PTPRQ: variants seen among roughly 807,000 people sequenced by gnomAD.
PTPRQ encodes the protein phosphatidylinositol phosphatase PTPRQ.
PTPRQ carries 199 observed loss-of-function variants against 246.0 expected under a neutral mutation model. The observed-to-expected ratio is 0.81, with a 90% confidence interval of 0.72 to 0.91. PTPRQ has a LOEUF of 0.91. Among genes scored for constraint, PTPRQ ranks in the 40% least tolerant of loss-of-function variants. The pLI is 0.00. For missense variants in PTPRQ, 2,624 were observed against 2,528.4 expected (o/e 1.04, Z -0.81); for synonymous variants, 869 against 853.2 (o/e 1.02, Z -0.32).
At chr12:80,666,347 T>C (rs903655286) in intron 39 of PTPRQ, among the ~76,000 whole-genome samples, 2 of 151,956 alleles carry the variant, frequency 1.3e-5, no homozygotes, top group Non-Finnish European at 2.9e-5. Context: ...TTCTCACTTA[T>C]GCAGAGGCTG....
In PTPRQ at chr12:80,444,758, C is replaced by T. The variant is rs542507106; in HGVS notation, c.72C>T (p.Val24=). 27 of 1,539,028 alleles carry T rather than the reference C, an allele frequency of 1.8e-5. No individual in the cohort carries two copies. In the East Asian group the frequency reaches 4.7e-4, roughly 27 times the overall value. Residue 24 remains valine, a synonymous_variant, in exon 2 of 45, where the codon GTC becomes GTT. Transcript: ENST00000644991. ...TSETQVDVSN[V]VPGTRYDITI... Reference sequence around the variant, plus strand: ...TGTTCTAGGTTGATGTTTCCAATGTCGTTCCTGGTACTAGGTACGATATAA... The same window carrying T: ...TGTTCTAGGTTGATGTTTCCAATGTTGTTCCTGGTACTAGGTACGATATAA...
intron 8 of PTPRQ, among the ~76,000 whole-genome samples, chr12:80,476,804 G>A (rs893954558): frequency 1.3e-5 from 2 of 152,078 alleles, no homozygotes; most frequent in African/African-American, 4.8e-5. Context: ...CTGATAATAA[G>A]GGATCATAAT....
intron 25 of PTPRQ, among the ~76,000 whole-genome samples, chr12:80,574,840 G>A (rs1329121732): frequency 6.6e-6 from 1 of 152,108 alleles, no homozygotes; most frequent in Non-Finnish European, 1.5e-5. Context: ...TTTCTACTGA[G>A]CTCCTTGGAT....
Position 80,678,966 on chromosome 12 carries a change from C to CA in PTPRQ, c.6863-19dup. 6.5e-7 allele frequency: 1 copy of CA among 1,539,008 alleles called. No homozygotes were observed. The highest frequency in any genetic ancestry group is 1.2e-5 in the South Asian group (1 of 80,996). On this transcript the variant is annotated intron_variant, in intron 44 of 44. Coordinates refer to ENST00000644991, the MANE Select transcript of PTPRQ (RefSeq NM_001145026.2). ...TGTTAACTTCAACACTCTCTTGTAA[C>CA]ATGTTACTTTCTGTTATAGGTGATG...
chr12:80,536,024 G>A (rs1441908303), intron 19 of PTPRQ, among the ~76,000 whole-genome samples: 2 of 152,214 alleles, frequency 1.3e-5, no homozygotes, highest in South Asian at 2.1e-4. Flanking sequence ...GGAGAATGGC[G>A]TCAACCCGGG....
intron 26 of PTPRQ, among the ~76,000 whole-genome samples, chr12:80,600,900 C>A (rs1305102310): frequency 6.6e-6 from 1 of 151,816 alleles, no homozygotes; most frequent in African/African-American, 2.4e-5. Context: ...CGGATTCTCT[C>A]ATTCCAACTC....
chr12:80,569,605 T>A (rs75005916), intron 25 of PTPRQ, among the ~76,000 whole-genome samples: 29 of 151,918 alleles, frequency 1.9e-4, no homozygotes, highest in Admixed American at 1.0e-3. Flanking sequence ...TTTTTTTTTT[T>A]AATTTAAGTT....
At chr12:80,509,108 A>T (rs1488884020) in intron 16 of PTPRQ, among the ~76,000 whole-genome samples, 5 of 152,074 alleles carry the variant, frequency 3.3e-5, no homozygotes, top group Non-Finnish European at 7.4e-5. Context: ...CATTCCTGTG[A>T]TAATCAATAT....
intron 26 of PTPRQ, among the ~76,000 whole-genome samples, chr12:80,590,791 T>A (rs1897774009): frequency 6.6e-6 from 1 of 152,080 alleles, no homozygotes; most frequent in African/African-American, 2.4e-5. Flanking sequence ...ACTTTAACAT[T>A]ATTTATAGCC....
At chr12:80,670,196 C>G in intron 41 of PTPRQ, 148 bp from the exon 42 acceptor site, 1 of 1,157,192 alleles carries the variant, frequency 8.6e-7, no homozygotes, top group Non-Finnish European at 1.2e-6. Context: ...ATAAAAATCT[C>G]TCTTATAGGA....
At chr12:80,619,632 CCA>C in intron 31 of PTPRQ, 90 bp downstream of exon 31, 2 of 1,086,222 alleles carry the variant, frequency 1.8e-6, no homozygotes, top group East Asian at 6.1e-5. Context: ...AGATTGACTC[CCA>C]GTTATCACAC....
chr12:80,496,530 T>G lies in PTPRQ; in HGVS notation c.2271T>G (p.Thr757=). 2 of 1,466,250 alleles carry G rather than the reference T, an allele frequency of 1.4e-6. No homozygotes were observed. The highest frequency in any genetic ancestry group is 1.8e-6 in the Non-Finnish European group (2 of 1,108,298). 90.8% of individuals were successfully genotyped at this position (1,466,250 alleles called of 1,614,324 possible). A position where few individuals can be genotyped will look rare whatever the true frequency, so the allele number is the denominator to read the frequency against. The change falls in exon 14 of 45, where the codon ACT becomes ACG. Residue 757 remains threonine (T), a splice_region_variant and synonymous_variant. Coordinates refer to ENST00000644991, the MANE Select transcript of PTPRQ (RefSeq NM_001145026.2). ...SSLLSVRTSE[T]VPDSAPENIT... ...TACTCTCTGTAAGGACTTCGGAGAC[T>G]GGTGAGCTTTTGTTTTCTTTGTTTG...
chr12:80,554,978 A>G (rs1896602739), intron 25 of PTPRQ, among the ~76,000 whole-genome samples: 1 of 151,860 alleles, frequency 6.6e-6, no homozygotes, highest in South Asian at 2.1e-4. Context: ...AAGTGGCGCT[A>G]TCTTGACTCA....
chr12:80,537,352 A>G (rs750774715), intron 19 of PTPRQ, among the ~76,000 whole-genome samples: 2 of 152,104 alleles, frequency 1.3e-5, no homozygotes, highest in Non-Finnish European at 2.9e-5. Context: ...TCCCCTTCCT[A>G]CAGAACTTTG....
chr12:80,501,320 A>G (rs975348913), intron 14 of PTPRQ, among the ~76,000 whole-genome samples: 5 of 151,982 alleles, frequency 3.3e-5, no homozygotes, highest in African/African-American at 1.2e-4. Flanking sequence ...TTGAATGTTG[A>G]AGTAAAGAGA....
chr12:80,446,408 T>C (rs1026191560), intron 3 of PTPRQ, among the ~76,000 whole-genome samples: 1 of 151,896 alleles, frequency 6.6e-6, no homozygotes, highest in African/African-American at 2.4e-5. Flanking sequence ...GTTCTGTATA[T>C]AAAATTTAGA....
intron 23 of PTPRQ, among the ~76,000 whole-genome samples, chr12:80,545,619 G>A (rs759588730): frequency 6.6e-6 from 1 of 151,462 alleles, no homozygotes; most frequent in African/African-American, 2.4e-5. Context: ...TCCTCCTTGG[G>A]CAACTATGAT....
At chr12:80,465,923 G>A (rs113043433) in intron 6 of PTPRQ, among the ~76,000 whole-genome samples, 28,240 of 152,034 alleles carry the variant, frequency 0.19, 2,817 homozygotes, top group Middle Eastern at 0.23. Context: ...AAAACTGGAA[G>A]CATTCCCTTT....
At chr12:80,664,656 C>A (rs1405656784) in intron 39 of PTPRQ, among the ~76,000 whole-genome samples, 1 of 151,990 alleles carries the variant, frequency 6.6e-6, no homozygotes, top group African/African-American at 2.4e-5. Context: ...TCAACACTTA[C>A]TATCTTCAAT....
Sources: allele counts gnomAD v4.1 joint callset (sites outside exome capture counted in the v4.1 genomes callset), GRCh38; gene constraint gnomAD v4.1.1; transcripts MANE v1.5; gene names NCBI Gene and HGNC (gene_info 2026-07-23, HGNC 2026-07-21).